PDIA5: variants seen among roughly 807,000 people sequenced by gnomAD.
PDIA5 encodes protein disulfide-isomerase A5.
In PDIA5, 58 loss-of-function variants were observed where a neutral mutation model predicts 77.6. That is an observed-to-expected ratio of 0.75 (90% CI 0.61 to 0.93). The LOEUF is 0.93. Among genes scored for constraint, PDIA5 ranks in the 40% least tolerant of loss-of-function variants. The pLI is 0.00. For missense variants in PDIA5, 630 were observed against 647.7 expected (o/e 0.97, Z 0.30); for synonymous variants, 250 against 252.1 (o/e 0.99, Z 0.08).
chr3:123,077,845 T>C (rs1933894423), intron 1 of PDIA5, among the ~76,000 whole-genome samples: 1 of 151,560 alleles, frequency 6.6e-6, no homozygotes, highest in South Asian at 2.1e-4. Flanking sequence ...AGTCTCACTC[T>C]GTTGCCCAGG....
chr3:123,094,703 G>A (rs1484007293), intron 3 of PDIA5, among the ~76,000 whole-genome samples: 1 of 152,252 alleles, frequency 6.6e-6, no homozygotes, highest in Non-Finnish European at 1.5e-5. Context: ...GTCTGCCGAG[G>A]AACGAGTAGG....
At chr3:123,094,190 C>T (rs921576358) in intron 3 of PDIA5, among the ~76,000 whole-genome samples, 5 of 152,244 alleles carry the variant, frequency 3.3e-5, no homozygotes, top group African/African-American at 1.2e-4. Flanking sequence ...GAAGGATGGA[C>T]TATTCCATGT....
chr3:123,080,458 A>C (rs191443232), intron 1 of PDIA5, among the ~76,000 whole-genome samples: 7 of 152,168 alleles, frequency 4.6e-5, no homozygotes, highest in African/African-American at 1.7e-4. Context: ...CTTACCAGAA[A>C]AGGGCTGAGG....
rs1003480739 is a variant in PDIA5, at chr3:123,124,080, G to A, written c.624G>A (p.Met208Ile). Residue 208 changes from methionine (M) to isoleucine (I), a missense_variant, in exon 9 of 17, where the codon ATG becomes ATA. By Grantham distance (10) the Met-to-Ile change is conservative (BLOSUM62 1). Transcript: ENST00000316218. ...CTTCCTCCCAGGTGCTGGCCGGGAT[G>A]AATGTCTACTCCTCTGAATTTGAAA... Reference protein sequence around the residue: ...QLRGHAVLAGMNVYSSEFENI... With the variant: ...QLRGHAVLAGINVYSSEFENI... The A allele has an allele frequency of 1.4e-5, 23 of 1,613,704 alleles. No individual in the cohort carries two copies. Among genetic ancestry groups the A allele is most frequent in the Non-Finnish European group, 1.9e-5 (23 of 1,179,684 alleles).
At chr3:123,127,972 C>A (rs749912473) in intron 10 of PDIA5, among the ~76,000 whole-genome samples, 29 of 152,148 alleles carry the variant, frequency 1.9e-4, no homozygotes, top group Non-Finnish European at 3.5e-4. Context: ...CTGGGGTAGG[C>A]GGGGAGTGAA....
At chr3:123,091,916 A>G (rs1486743883) in intron 2 of PDIA5, among the ~76,000 whole-genome samples, 1 of 152,256 alleles carries the variant, frequency 6.6e-6, no homozygotes, top group Non-Finnish European at 1.5e-5. Context: ...TAGGTGGGGC[A>G]TCAGGACAGA....
At chr3:123,091,549 C>T (rs1249664117) in intron 2 of PDIA5, among the ~76,000 whole-genome samples, 1 of 152,200 alleles carries the variant, frequency 6.6e-6, no homozygotes, top group East Asian at 1.9e-4. Flanking sequence ...GCCACAGAGG[C>T]TCTGTCCCTA....
At chr3:123,133,077 G>A (rs72974465) in intron 11 of PDIA5, among the ~76,000 whole-genome samples, 2,583 of 152,308 alleles carry the variant, frequency 0.017, 72 homozygotes, top group African/African-American at 0.057. Context: ...AGCCTAGGGA[G>A]GGATGGAATG....
At chr3:123,112,347 C>A (rs1232162286) in intron 7 of PDIA5, among the ~76,000 whole-genome samples, 1 of 151,964 alleles carries the variant, frequency 6.6e-6, no homozygotes, top group Non-Finnish European at 1.5e-5. Context: ...AACCAGAGTT[C>A]TGTTTGCTCA....
At chr3:123,084,647 GCCT>G (rs1166900460) in intron 1 of PDIA5, among the ~76,000 whole-genome samples, 3 of 152,120 alleles carry the variant, frequency 2.0e-5, no homozygotes, top group Non-Finnish European at 4.4e-5. Context: ...TAAGAGAAAA[GCCT>G]CCTCTGCTGC....
intron 1 of PDIA5, among the ~76,000 whole-genome samples, chr3:123,087,399 A>G (rs1339684158): frequency 6.8e-6 from 1 of 147,686 alleles, no homozygotes; most frequent in Non-Finnish European, 1.5e-5. Context: ...TCTTGTGCTT[A>G]ATGGGTCCAT....
intron 6 of PDIA5, 111 bp from the exon 7 acceptor site, chr3:123,110,833 C>G (rs999565218): frequency 1.1e-6 from 1 of 905,364 alleles, no homozygotes; most frequent in Non-Finnish European, 1.9e-6. Context: ...ACTCCCCCTC[C>G]CCTCCCCATC....
chr3:123,123,928 C>A lies in PDIA5; in HGVS notation c.610-138C>A, dbSNP rs921894622. 27 of 639,030 alleles carry A rather than the reference C, an allele frequency of 4.2e-5. No homozygotes were observed. The African/African-American group carries it at 4.5e-4, about 11-fold the overall frequency. The allele number at this position is 639,030 out of a possible 1,614,324, so 39.6% of individuals were successfully genotyped here. A position where few individuals can be genotyped will look rare whatever the true frequency, so the allele number is the denominator to read the frequency against. ...TGGCTTCGCTGGCCTTGTTTCTCAG[C>A]AGCCCTGATGCACATCAGTCTGTGG... is the stretch of plus-strand genomic sequence containing the variant. On this transcript the variant is annotated intron_variant, in intron 8 of 16. Transcript: ENST00000316218.
chr3:123,080,652 A>G (rs1055092111), intron 1 of PDIA5, among the ~76,000 whole-genome samples: 12 of 152,194 alleles, frequency 7.9e-5, no homozygotes, highest in African/African-American at 2.4e-4. Context: ...ATCTAAAGTT[A>G]ATGCATGATT....
intron 8 of PDIA5, among the ~76,000 whole-genome samples, chr3:123,119,506 A>G (rs1274189504): frequency 5.9e-5 from 9 of 152,270 alleles, no homozygotes; most frequent in Admixed American, 5.2e-4. Context: ...CTAGAAAAGC[A>G]TCTTCTGGAA....
intron 1 of PDIA5, among the ~76,000 whole-genome samples, chr3:123,080,173 T>A (rs1560496783): frequency 6.6e-6 from 1 of 151,992 alleles, no homozygotes; most frequent in Non-Finnish European, 1.5e-5. Flanking sequence ...GGATTTAACA[T>A]TTCTAATGAG....
At chr3:123,096,937 CG>C (rs1461164633) in intron 3 of PDIA5, among the ~76,000 whole-genome samples, 8 of 152,318 alleles carry the variant, frequency 5.3e-5, no homozygotes, top group African/African-American at 1.9e-4. Context: ...TGCTAATTCC[CG>C]AGGCTGCGTC....
chr3:123,090,547 C>T (rs1443665474), intron 2 of PDIA5, among the ~76,000 whole-genome samples: 7 of 152,174 alleles, frequency 4.6e-5, no homozygotes, highest in African/African-American at 1.7e-4. Context: ...CTGGGAGTAG[C>T]GGACTTGTTT....
chr3:123,089,490 G>C (rs1281784344), intron 2 of PDIA5, among the ~76,000 whole-genome samples, 196 bp downstream of exon 2: 1 of 152,266 alleles, frequency 6.6e-6, no homozygotes, highest in Non-Finnish European at 1.5e-5. Context: ...GATCCGAGGG[G>C]GTGGTTCCAT....
Sources: gnomAD v4.1 joint callset for allele counts (sites outside exome capture counted in the v4.1 genomes callset) on GRCh38, gnomAD v4.1.1 for gene constraint, MANE v1.5 for transcripts, NCBI Gene and HGNC (gene_info 2026-07-23, HGNC 2026-07-21) for gene names.